The following KPNA6 variants were observed in gnomAD, a reference collection of about 807,000 sequenced individuals.
KPNA6 encodes the protein karyopherin subunit alpha 6.
In KPNA6, 9 loss-of-function variants were observed where a neutral mutation model predicts 72.0. The ratio of observed to expected loss-of-function variants is 0.13; its 90% confidence interval spans 0.08 to 0.22. KPNA6 has a LOEUF of 0.22. Among genes scored for constraint, KPNA6 ranks in the 10% least tolerant of loss-of-function variants. The pLI is 1.00. For missense variants in KPNA6, 374 were observed against 655.7 expected, an observed-to-expected ratio of 0.57 and a Z score of 4.69; for synonymous variants, 219 against 242.1, an observed-to-expected ratio of 0.90 and a Z score of 0.89.
chr1:32,157,492 CTT>C, intron 4 of KPNA6, 47 bp downstream of exon 4: 1 of 1,360,682 alleles, frequency 7.3e-7, no homozygotes, highest in Non-Finnish European at 1.1e-6. Context: ...GATTTAGCCT[CTT>C]TTCTCTTCAC....
At chr1:32,152,793 C>T (rs1287797428) in intron 1 of KPNA6, among the ~76,000 whole-genome samples, 3 of 151,708 alleles carry the variant, frequency 2.0e-5, no homozygotes, top group Non-Finnish European at 2.9e-5. Flanking sequence ...TGCAGTGAGC[C>T]GAGATGGCGC....
intron 1 of KPNA6, among the ~76,000 whole-genome samples, chr1:32,146,915 A>C (rs942573311): frequency 1.3e-5 from 2 of 151,922 alleles, no homozygotes; most frequent in Non-Finnish European, 2.9e-5. Flanking sequence ...GCTGGAGTCC[A>C]GTGGTACAGT....
chr1:32,168,056 T>G (rs539119358), intron 12 of KPNA6, among the ~76,000 whole-genome samples: 5 of 152,044 alleles, frequency 3.3e-5, no homozygotes, highest in African/African-American at 9.7e-5. Flanking sequence ...TGGCCACAGC[T>G]ACTCAGTAGG....
intron 1 of KPNA6, among the ~76,000 whole-genome samples, chr1:32,145,728 C>A (rs1293041173): frequency 6.6e-6 from 1 of 151,420 alleles, no homozygotes; most frequent in African/African-American, 2.5e-5. Context: ...AATCAGTTGG[C>A]TGGCCGTAGA....
intron 1 of KPNA6, among the ~76,000 whole-genome samples, chr1:32,125,579 G>T (rs1366033504): frequency 6.6e-6 from 1 of 152,200 alleles, no homozygotes; most frequent in Non-Finnish European, 1.5e-5. Flanking sequence ...TGTCAGTCCT[G>T]CTCATGTAAT....
intron 1 of KPNA6, among the ~76,000 whole-genome samples, chr1:32,129,586 C>T (rs956667652): frequency 1.3e-5 from 2 of 150,704 alleles, no homozygotes; most frequent in Non-Finnish European, 3.0e-5. Flanking sequence ...GACAGGGTCT[C>T]GCTCTGTCAC....
At chr1:32,147,586 C>T (rs1352711193) in intron 1 of KPNA6, among the ~76,000 whole-genome samples, 1 of 151,574 alleles carries the variant, frequency 6.6e-6, no homozygotes, top group Non-Finnish European at 1.5e-5. Flanking sequence ...GCATGAACCA[C>T]TGAACCCAGC....
chr1:32,125,678 A>G (rs1641519133), intron 1 of KPNA6, among the ~76,000 whole-genome samples: 3 of 152,088 alleles, frequency 2.0e-5, no homozygotes, highest in South Asian at 4.1e-4. Context: ...CGACAAACCT[A>G]TTTTGCCCTT....
chr1:32,135,610 G>A (rs1000805902), intron 1 of KPNA6, among the ~76,000 whole-genome samples: 1 of 150,858 alleles, frequency 6.6e-6, no homozygotes, highest in Non-Finnish European at 1.5e-5. Flanking sequence ...TAGAATCACA[G>A]GTGTGAGCCA....
intron 1 of KPNA6, among the ~76,000 whole-genome samples, chr1:32,118,824 A>G (rs972365430): frequency 4.0e-5 from 6 of 151,314 alleles, no homozygotes; most frequent in Non-Finnish European, 8.8e-5. Context: ...AAATAGAGAT[A>G]ATAGGATTGT....
At chr1:32,145,630 A>G (rs962948235) in intron 1 of KPNA6, among the ~76,000 whole-genome samples, 3 of 152,206 alleles carry the variant, frequency 2.0e-5, no homozygotes, top group African/African-American at 7.2e-5. Flanking sequence ...TGGTCTGGCT[A>G]ATATTTCATT....
intron 1 of KPNA6, among the ~76,000 whole-genome samples, chr1:32,150,186 G>A (rs1315700313): frequency 7.4e-6 from 1 of 134,774 alleles, no homozygotes; most frequent in Non-Finnish European, 1.5e-5. Flanking sequence ...AGGCTGTAGT[G>A]CAGTAGCATG....
rs1310047646 is a variant in KPNA6 at position 32,108,115 on chromosome 1, A to C, written c.-16A>C. On this transcript the variant is annotated 5_prime_UTR_variant, in exon 1 of 14. Coordinates refer to ENST00000373625, the MANE Select transcript of KPNA6 (RefSeq NM_012316.5). ...GCCGTTGCCTCCGCCGCCAAGAGTGAGCGAGCGGACCCGCGATGGGTGAGT... is the reference window on the plus strand; with the variant it reads ...GCCGTTGCCTCCGCCGCCAAGAGTGCGCGAGCGGACCCGCGATGGGTGAGT... 1.2e-6 allele frequency: 2 copies of C among 1,613,878 alleles called. No homozygotes were observed. Among genetic ancestry groups the C allele is most frequent in the East Asian group, 4.5e-5 (2 of 44,894 alleles).
chr1:32,117,861 G>GAAGTAGCTA lies in KPNA6; in HGVS notation c.4+9731_4+9739dup, dbSNP rs147799627. Among the ~76,000 whole-genome samples the GAAGTAGCTA allele has an allele frequency of 4.4e-3, 675 of 152,188 alleles. 5 individuals are homozygous for GAAGTAGCTA. The highest frequency in any genetic ancestry group is 0.016 in the African/African-American group (646 of 41,540). Reference sequence around the variant, plus strand: ...GGGCTGTTTGTACATAAGCATTCCTGAAGTAGCTAAAGCAATCTCTTCCCC... The same window carrying GAAGTAGCTA: ...GGGCTGTTTGTACATAAGCATTCCTGAAGTAGCTAAAGTAGCTAAAGCAATCTCTTCCCC... On this transcript the variant is annotated intron_variant, in intron 1 of 13. Transcript: ENST00000373625.
Position 32,171,021 on chromosome 1 carries a change from TG to T in KPNA6, c.*128del. The T allele has an allele frequency of 1.2e-6, 1 of 804,350 alleles. No homozygotes were observed. Among genetic ancestry groups the T allele is most frequent in the Non-Finnish European group, 2.0e-6 (1 of 500,856 alleles). 49.8% of individuals were successfully genotyped at this position (804,350 alleles called of 1,614,324 possible). A position where few individuals can be genotyped will look rare whatever the true frequency, so the allele number is the denominator to read the frequency against. ...CACACCTCTGCTGCCCTGGAGACTG[TG>T]CTCTTGACCTGCTCCGCCCCCTTCC... On this transcript the variant is annotated 3_prime_UTR_variant, in exon 14 of 14. Transcript: ENST00000373625.
chr1:32,162,302 GTGATAGAGC>G (rs1642253176), intron 8 of KPNA6, 50 bp from the exon 9 acceptor site: 11 of 1,478,424 alleles, frequency 7.4e-6, no homozygotes, highest in Non-Finnish European at 1.0e-5. Context: ...GTTAGGGTTC[GTGATAGAGC>G]TGATATAGTC....
At chr1:32,142,478 G>A (rs1325747080) in intron 1 of KPNA6, among the ~76,000 whole-genome samples, 1 of 152,026 alleles carries the variant, frequency 6.6e-6, no homozygotes, top group East Asian at 1.9e-4. Context: ...TTGAGGTATT[G>A]GGGTTTAGGA....
At chr1:32,113,843 G>A (rs1301073321) in intron 1 of KPNA6, among the ~76,000 whole-genome samples, 2 of 152,152 alleles carry the variant, frequency 1.3e-5, no homozygotes, top group Non-Finnish European at 2.9e-5. Context: ...ATCCATTCAA[G>A]TTTGATCGTG....
intron 1 of KPNA6, among the ~76,000 whole-genome samples, chr1:32,148,487 C>T (rs1157918007): frequency 6.6e-6 from 1 of 151,282 alleles, no homozygotes; most frequent in East Asian, 1.9e-4. Flanking sequence ...AGTTTTTGAC[C>T]ATATTTTTTC....
Sources: gnomAD v4.1 joint callset for allele counts (sites outside exome capture counted in the v4.1 genomes callset) on GRCh38, gnomAD v4.1.1 for gene constraint, MANE v1.5 for transcripts, NCBI Gene and HGNC (gene_info 2026-07-23, HGNC 2026-07-21) for gene names.